VPS53: variants seen among roughly 807,000 people sequenced by gnomAD.
VPS53 encodes the protein vacuolar protein sorting-associated protein 53 homolog.
Under a neutral mutation model 107.0 loss-of-function variants are expected in VPS53, and 70 were observed. That is an observed-to-expected ratio of 0.65 (90% CI 0.54 to 0.80). The LOEUF is 0.80. VPS53 is among the 30% of genes least tolerant of loss of function. The pLI is 0.00. For synonymous variants in VPS53, 409 were observed against 393.3 expected (o/e 1.04, Z -0.47); for missense variants, 917 against 1,049.4 (o/e 0.87, Z 1.74).
intron 4 of VPS53, among the ~76,000 whole-genome samples, chr17:694,817 G>C (rs191123899): frequency 8.7e-4 from 133 of 152,278 alleles, no homozygotes; most frequent in African/African-American, 2.7e-3. Context: ...ATCCGGGCTG[G>C]AGCGCGGCGG....
At chr17:551,156 A>G (rs1597284650) in intron 17 of VPS53, among the ~76,000 whole-genome samples, 1 of 152,088 alleles carries the variant, frequency 6.6e-6, no homozygotes, top group Admixed American at 6.5e-5. Context: ...AGAGGGGTGA[A>G]AGACATGGTC....
intron 4 of VPS53, chr17:676,542 CTAGTT>C (rs1236033282): frequency 6.6e-6 from 1 of 152,196 alleles, no homozygotes; most frequent in Non-Finnish European, 1.5e-5. Context: ...GACGCAGAGT[CTAGTT>C]TAAACTTGTG....
intron 4 of VPS53, among the ~76,000 whole-genome samples, chr17:668,078 T>C (rs1971772069): frequency 1.3e-5 from 2 of 152,140 alleles, no homozygotes; most frequent in Admixed American, 1.3e-4. Context: ...TGGTTTAGTG[T>C]ATGAGTATTA....
intron 12 of VPS53, among the ~76,000 whole-genome samples, chr17:590,547 G>A (rs1316807656): frequency 1.3e-5 from 2 of 151,974 alleles, no homozygotes; most frequent in Non-Finnish European, 2.9e-5. Flanking sequence ...TTTGAGATAC[G>A]TCCCATCAAT....
At chr17:578,608 C>T (rs1253801607) in intron 13 of VPS53, among the ~76,000 whole-genome samples, 3 of 151,428 alleles carry the variant, frequency 2.0e-5, no homozygotes, top group African/African-American at 7.3e-5. Flanking sequence ...GAGAACCTCC[C>T]TCAGAACCTC....
chr17:612,069 A>C (rs2048000), intron 11 of VPS53, among the ~76,000 whole-genome samples: 51,790 of 148,742 alleles, frequency 0.35, 10,792 homozygotes, highest in Non-Finnish European at 0.47. Context: ...AAAACCTGTA[A>C]AAATATTCAC....
intron 16 of VPS53, 46 bp from the exon 17 acceptor site, chr17:551,996 C>A (rs374954709): frequency 6.0e-6 from 9 of 1,505,026 alleles, no homozygotes; most frequent in Non-Finnish European, 8.1e-6. Context: ...AAACAACGGC[C>A]GTCTGAATGA....
At chr17:623,406 A>G in intron 11 of VPS53, 127 bp downstream of exon 11, 1 of 1,133,576 alleles carries the variant, frequency 8.8e-7, no homozygotes, top group Non-Finnish European at 1.2e-6. Context: ...CCAGCAGCTC[A>G]GTGAAATCAC....
At chr17:536,882 G>C (rs1910117156) in intron 18 of VPS53, 146 bp downstream of exon 18, 1 of 1,004,018 alleles carries the variant, frequency 1.0e-6, no homozygotes, top group South Asian at 1.7e-5. Context: ...GTCGGTAATG[G>C]GAAGACTGTG....
At chr17:684,783 CG>C (rs1397145033) in intron 4 of VPS53, among the ~76,000 whole-genome samples, 1 of 151,980 alleles carries the variant, frequency 6.6e-6, no homozygotes. Flanking sequence ...GTCAGGAGTT[CG>C]AGACCAGCCT....
intron 11 of VPS53, among the ~76,000 whole-genome samples, chr17:615,670 C>T (rs573363871): frequency 1.3e-5 from 2 of 152,152 alleles, no homozygotes; most frequent in African/African-American, 2.4e-5. Flanking sequence ...TCAAGATATA[C>T]CTTGGTTCGT....
chr17:534,917 CAA>C (rs11376185), intron 18 of VPS53, among the ~76,000 whole-genome samples: 17 of 121,816 alleles, frequency 1.4e-4, no homozygotes, highest in Non-Finnish European at 1.4e-4. Context: ...GACCCTGTAT[CAA>C]AAAAAAAAAA....
At chr17:664,000 CAGA>C (rs1971577581) in intron 4 of VPS53, among the ~76,000 whole-genome samples, 1 of 152,098 alleles carries the variant, frequency 6.6e-6, no homozygotes, top group Admixed American at 6.5e-5. Context: ...ATGGTGGTCA[CAGA>C]AGGTCTCCTG....
At chr17:601,550 T>C (rs1397391192) in intron 12 of VPS53, among the ~76,000 whole-genome samples, 1 of 152,162 alleles carries the variant, frequency 6.6e-6, no homozygotes, top group Non-Finnish European at 1.5e-5. Flanking sequence ...CCCACCACAG[T>C]GGCTAATGAA....
At chr17:596,535 AGGGACC>A in intron 12 of VPS53, among the ~76,000 whole-genome samples, 1 of 152,158 alleles carries the variant, frequency 6.6e-6, no homozygotes, top group African/African-American at 2.4e-5. Context: ...TGCAGTGAGG[AGGGACC>A]CTTGACCCTG....
At chr17:660,279 T>C (rs1971389088) in intron 5 of VPS53, among the ~76,000 whole-genome samples, 1 of 152,124 alleles carries the variant, frequency 6.6e-6, no homozygotes, top group East Asian at 1.9e-4. Context: ...ACATAAATCC[T>C]AGTTCATAAG....
intron 17 of VPS53, chr17:538,344 T>TG (rs2151816023): frequency 6.6e-6 from 1 of 152,622 alleles, no homozygotes; most frequent in South Asian, 2.1e-4. Context: ...TGGAGGGCTC[T>TG]GCTGAGTCAG....
At chr17:657,403 T>G in intron 5 of VPS53, 1 of 834,296 alleles carries the variant, frequency 1.2e-6, no homozygotes, top group South Asian at 1.4e-5. Context: ...AGTCTGTTCC[T>G]TAGGAAAATG....
intron 5 of VPS53, among the ~76,000 whole-genome samples, chr17:661,171 A>G (rs558924294): frequency 1.3e-5 from 2 of 152,166 alleles, no homozygotes; most frequent in South Asian, 4.2e-4. Flanking sequence ...AATACCAAGA[A>G]ATGTTAGAGA....
Sources: allele counts gnomAD v4.1 joint callset (sites outside exome capture counted in the v4.1 genomes callset), GRCh38; gene constraint gnomAD v4.1.1; transcripts MANE v1.5; gene names NCBI Gene and HGNC (gene_info 2026-07-23, HGNC 2026-07-21).